The following SGSM2 variants were observed in gnomAD, a reference collection of about 807,000 sequenced individuals.
The protein encoded by SGSM2 is small G protein signaling modulator 2.
In SGSM2, 89 loss-of-function variants were observed where a neutral mutation model predicts 126.6. The observed-to-expected ratio is 0.70, with a 90% CI of 0.59 to 0.84. SGSM2 has a LOEUF of 0.84. Among genes scored for constraint, SGSM2 ranks in the 40% least tolerant of loss-of-function variants. The pLI, the probability that SGSM2 is intolerant of heterozygous loss-of-function variation, is 0.00. For missense variants in SGSM2, 1,404 were observed against 1,416.6 expected (o/e 0.99, Z 0.14); for synonymous variants, 614 against 574.3 (o/e 1.07, Z -0.99).
rs765980049 is a variant in SGSM2, at chr17:2,380,290, G to A, written c.*770G>A. 6.5e-7 allele frequency: 1 copy of A among 1,535,988 alleles called. No homozygotes were observed. Among genetic ancestry groups the A allele is most frequent in the South Asian group, 1.2e-5 (1 of 84,068 alleles). The stretch of plus-strand genomic sequence containing the variant: ...GTACTTCCCTGAAAACCACGTGTAA[G>A]AAGTGATGCTTTTGCCAGTGGATGA... On this transcript the variant is annotated 3_prime_UTR_variant, in exon 24 of 24. Transcript: ENST00000268989.
In SGSM2 at chr17:2,362,756, G is replaced by T; in HGVS notation, c.459-82G>T. 2 of 1,371,310 alleles carry T rather than the reference G, an allele frequency of 1.5e-6. No homozygotes were observed. The highest frequency in any genetic ancestry group is 1.7e-5 in the Admixed American group (1 of 58,244). The allele number at this position is 1,371,310 out of a possible 1,614,324, so 84.9% of individuals were successfully genotyped here. ...TGACTGATCTGAATCTGGTCTTTGT[G>T]GGGATGTCCCTACCTGGTGAGCTTG... On this transcript the variant is annotated intron_variant, in intron 4 of 23. Coordinates refer to ENST00000268989, the MANE Select transcript of SGSM2 (RefSeq NM_014853.3). This position sits in a 1 kb window ranked among gnomAD's most constrained non-coding sequence, Gnocchi z 4.9.
At chr17:2,376,305 C>G in intron 19 of SGSM2, 44 bp downstream of exon 19, 3 of 1,610,780 alleles carry the variant, frequency 1.9e-6, no homozygotes, top group Non-Finnish European at 2.5e-6. Context: ...GGGACCCTGC[C>G]GCCAGTTACT....
chr17:2,349,116 C>T (rs1306282900), intron 2 of SGSM2, among the ~76,000 whole-genome samples: 1 of 151,952 alleles, frequency 6.6e-6, no homozygotes, highest in Non-Finnish European at 1.5e-5. Context: ...TGGCTCACGC[C>T]TGCAATCCCA....
rs372847223 is a variant in SGSM2, at chr17:2,375,586, C to T, written c.2195C>T (p.Pro732Leu). 8.1e-6 allele frequency: 13 copies of T among 1,613,758 alleles called. No individual in the cohort carries two copies. In the South Asian group the frequency reaches 8.8e-5, roughly 11 times the overall value. The change falls in exon 18 of 24, where the codon CCG (proline) becomes CTG (leucine). Residue 732 changes from proline (P) to leucine (L), a missense_variant. Coordinates refer to ENST00000268989, the MANE Select transcript of SGSM2 (RefSeq NM_014853.3). ...GAGCAGGAAGCAGGACCCGGGACTCCGGGCACCGCCGTGGTGGAGCAGCAG... is the reference window on the plus strand; with the variant it reads ...GAGCAGGAAGCAGGACCCGGGACTCTGGGCACCGCCGTGGTGGAGCAGCAG... ...KPEQEAGPGT[P>L]GTAVVEQQHS...
chr17:2,346,447 C>T (rs1173904588), intron 2 of SGSM2, among the ~76,000 whole-genome samples: 4 of 152,160 alleles, frequency 2.6e-5, no homozygotes, highest in African/African-American at 9.7e-5. Flanking sequence ...CCTGAAGAAT[C>T]ACTGTGTCAA....
intron 1 of SGSM2, among the ~76,000 whole-genome samples, chr17:2,339,717 A>G (rs1195153410): frequency 1.3e-5 from 2 of 152,054 alleles, no homozygotes; most frequent in African/African-American, 4.8e-5. Context: ...CAAAAAAAAA[A>G]AAAAAAAAAG....
At chr17:2,374,205 G>A (rs1304170669) in intron 17 of SGSM2, 1 of 152,168 alleles carries the variant, frequency 6.6e-6, no homozygotes, top group Non-Finnish European at 1.5e-5. Flanking sequence ...CTTTAAAATT[G>A]CCTCTTTAGA....
At chr17:2,354,429 C>T (rs907555788) in intron 2 of SGSM2, among the ~76,000 whole-genome samples, 1 of 152,204 alleles carries the variant, frequency 6.6e-6, no homozygotes, top group Admixed American at 6.5e-5. Flanking sequence ...TGCAATTATA[C>T]CATTCTGCAT....
chr17:2,345,069 G>A (rs2064534458), intron 2 of SGSM2, among the ~76,000 whole-genome samples: 1 of 152,076 alleles, frequency 6.6e-6, no homozygotes, highest in Non-Finnish European at 1.5e-5. Context: ...ATGATTCCTA[G>A]GTTTACAAGA....
intron 2 of SGSM2, among the ~76,000 whole-genome samples, chr17:2,344,539 A>C (rs543613289): frequency 1.5e-4 from 23 of 152,158 alleles, no homozygotes; most frequent in Non-Finnish European, 2.8e-4. Flanking sequence ...ATCCCCACCA[A>C]GGGCTCACCA....
Position 2,365,395 on chromosome 17 carries a change from G to A in SGSM2, c.1288+54G>A, listed in dbSNP as rs1244891312. 22 of 1,481,446 alleles carry A rather than the reference G, an allele frequency of 1.5e-5. No individual in the cohort carries two copies. In the East Asian group the frequency reaches 1.5e-4, roughly 10 times the overall value. 91.8% of individuals were successfully genotyped at this position (1,481,446 alleles called of 1,614,324 possible). A position where few individuals can be genotyped will look rare whatever the true frequency, so the allele number is the denominator to read the frequency against. On this transcript the variant is annotated intron_variant, in intron 11 of 23. Transcript: ENST00000268989. ...AGGAGAGGAAGACGCTCTGGGAGGCGGGGAGCGCAGCGTCACCCAGGAGGG... is the reference window on the plus strand; with the variant it reads ...AGGAGAGGAAGACGCTCTGGGAGGCAGGGAGCGCAGCGTCACCCAGGAGGG...
At chr17:2,346,497 A>T (rs2064602475) in intron 2 of SGSM2, among the ~76,000 whole-genome samples, 1 of 152,228 alleles carries the variant, frequency 6.6e-6, no homozygotes, top group Non-Finnish European at 1.5e-5. Context: ...TTGCAGCCAG[A>T]TCCCCATTCC....
Position 2,379,644 on chromosome 17 carries a change from G to A in SGSM2, c.*124G>A, listed in dbSNP as rs2066333464. 2 of 1,475,400 alleles carry A rather than the reference G, an allele frequency of 1.4e-6. No individual in the cohort carries two copies. Among genetic ancestry groups the A allele is most frequent in the South Asian group, 1.3e-5 (1 of 75,634 alleles). 91.4% of individuals were successfully genotyped at this position (1,475,400 alleles called of 1,614,324 possible). A position where few individuals can be genotyped will look rare whatever the true frequency, so the allele number is the denominator to read the frequency against. ...CACCTCTGTTCCTAACAAAGCGGTT[G>A]TGAGCCTGGATCCGACTCCCGGCAG... On this transcript the variant is annotated 3_prime_UTR_variant, in exon 24 of 24. Coordinates refer to ENST00000268989, the MANE Select transcript of SGSM2 (RefSeq NM_014853.3).
At chr17:2,376,663 C>G in intron 19 of SGSM2, 70 bp from the exon 20 acceptor site, 1 of 1,535,324 alleles carries the variant, frequency 6.5e-7, no homozygotes. Context: ...CTCTGGAGGA[C>G]GTCTTCCCAG....
At chr17:2,344,282 T>C (rs1028668360) in intron 2 of SGSM2, among the ~76,000 whole-genome samples, 13 of 152,178 alleles carry the variant, frequency 8.5e-5, no homozygotes, top group Non-Finnish European at 1.5e-4. Flanking sequence ...GACTTTTGCT[T>C]TGTAGGAGCA....
chr17:2,377,210 G>A (rs1289286301), intron 21 of SGSM2, 142 bp downstream of exon 21: 2 of 620,310 alleles, frequency 3.2e-6, no homozygotes, highest in African/African-American at 1.8e-5. Context: ...TTTCAGCAGG[G>A]CAACGTGGCT....
Position 2,362,127 on chromosome 17 carries a change from C to G in SGSM2, c.315C>G (p.Ser105Arg). The G allele has an allele frequency of 6.2e-7, 1 of 1,612,940 alleles. No individual in the cohort carries two copies. The highest frequency in any genetic ancestry group is 1.1e-5 in the South Asian group (1 of 91,066). Residue 105 changes from serine (S) to arginine (R), a missense_variant, in exon 4 of 24, where the codon AGC (serine) becomes AGG (arginine). Transcript: ENST00000268989. This position sits in a 1 kb window ranked among gnomAD's most constrained non-coding sequence, Gnocchi z 4.9. ...QAEGRKPSGV[S>R]QEALRRQGSA... is the part of the protein sequence containing the mutation. ...TTTGCAGGAAACCCTCAGGGGTCAG[C>G]CAGGAGGCCCTGCGGAGACAGGGCT... is the stretch of plus-strand genomic sequence containing the variant.
chr17:2,371,724 G>A (rs886827139), intron 13 of SGSM2: 3 of 410,204 alleles, frequency 7.3e-6, no homozygotes, highest in African/African-American at 6.3e-5. Flanking sequence ...GGCACATCAT[G>A]GGCTCAGTGC....
At position 2,364,164 on chromosome 17, in the gene SGSM2, G is replaced by T. The variant is rs61733094; in HGVS notation, c.913G>T (p.Asp305Tyr). Residue 305 changes from aspartate to tyrosine, a missense_variant, in exon 8 of 24, where the codon GAC (aspartate) becomes TAC (tyrosine). Physicochemically the swap from Asp to Tyr is radical, Grantham distance 160. Coordinates refer to ENST00000268989, the MANE Select transcript of SGSM2 (RefSeq NM_014853.3). ...PNQLMNGTLG[D>Y]SELEKSVYWD... ...CCAGCTCATGAATGGGACTCTGGGGGACTCCGAGCTGGAAAAGAGGTGGGG... is the reference window on the plus strand; with the variant it reads ...CCAGCTCATGAATGGGACTCTGGGGTACTCCGAGCTGGAAAAGAGGTGGGG... 1.9e-6 allele frequency: 3 copies of T among 1,613,796 alleles called. No individual in the cohort carries two copies. The highest frequency in any genetic ancestry group is 2.7e-5 in the African/African-American group (2 of 74,916).
Sources: gnomAD v4.1 joint callset for allele counts (sites outside exome capture counted in the v4.1 genomes callset) on GRCh38, gnomAD v4.1.1 for gene constraint, Gnocchi (gnomAD v3.1) non-coding constraint, MANE v1.5 for transcripts, NCBI Gene and HGNC (gene_info 2026-07-23, HGNC 2026-07-21) for gene names.